The following TTC21B variants were observed in gnomAD, a reference collection of about 807,000 sequenced individuals.
TTC21B encodes the protein tetratricopeptide repeat protein 21B.
In TTC21B, 127 loss-of-function variants were observed where a neutral mutation model predicts 175.1. That is an observed-to-expected ratio of 0.73 (90% CI 0.63 to 0.84). The LOEUF is 0.84. TTC21B is among the 40% of genes least tolerant of loss of function. TTC21B has a pLI of 0.00. For missense variants in TTC21B, 1,561 were observed against 1,558.3 expected, an observed-to-expected ratio of 1.00 and a Z score of -0.03; for synonymous variants, 524 against 524.5, an observed-to-expected ratio of 1.00 and a Z score of 0.01.
intron 27 of TTC21B, among the ~76,000 whole-genome samples, chr2:165,878,842 C>T (rs186076661): frequency 0.013 from 1,946 of 151,966 alleles, 22 homozygotes; most frequent in Non-Finnish European, 0.018. Flanking sequence ...CCACCATGCC[C>T]GGCTAATTTT....
At position 165,883,781 on chromosome 2, in the gene TTC21B, T is replaced by G. The variant is rs369153870; in HGVS notation, c.3684+13A>C. The G allele has an allele frequency of 6.2e-7, 1 of 1,602,506 alleles. No homozygotes were observed. Among genetic ancestry groups the G allele is most frequent in the African/African-American group, 1.3e-5 (1 of 74,716 alleles). On this transcript the variant is annotated intron_variant, in intron 26 of 28. Coordinates refer to ENST00000243344, the MANE Select transcript of TTC21B (RefSeq NM_024753.5). The stretch of plus-strand genomic sequence containing the variant: ...AAAGGTCAATAATTATTTTTTACTC[T>G]TCAATCACCTACTCTATTATGACGC...
chr2:165,888,462 C>T lies in TTC21B; in HGVS notation c.3276G>A (p.Glu1092=). 3 of 1,612,752 alleles carry T rather than the reference C, an allele frequency of 1.9e-6. No individual in the cohort carries two copies. The highest frequency in any genetic ancestry group is 2.5e-6 in the Non-Finnish European group (3 of 1,179,054). Residue 1092 remains glutamate, a synonymous_variant, in exon 25 of 29, where the codon GAG becomes GAA. Transcript: ENST00000243344. ...NLDGDLGNST[E]KQESVQLAVR... ...CTGCCAGTTGCACAGATTCTTGCTT[C>T]TCAGTTGAATTACTGTATATAATTA...
intron 19 of TTC21B, among the ~76,000 whole-genome samples, chr2:165,906,720 G>C (rs900162397): frequency 6.6e-6 from 1 of 151,958 alleles, no homozygotes; most frequent in Non-Finnish European, 1.5e-5. Context: ...CGTGGCAGGG[G>C]GAATCACCTG....
At chr2:165,945,477 A>G (rs371664549) in intron 4 of TTC21B, 47 bp downstream of exon 4, 44 of 1,545,774 alleles carry the variant, frequency 2.8e-5, no homozygotes, top group Non-Finnish European at 3.9e-5. Context: ...TATCAATAAC[A>G]TAAGCATTTT....
chr2:165,898,874 G>A (rs1362718081), intron 21 of TTC21B, 107 bp from the exon 22 acceptor site: 4 of 739,418 alleles, frequency 5.4e-6, no homozygotes, highest in Admixed American at 2.0e-5. Flanking sequence ...AACATGAGGA[G>A]GGGGCAGCAT....
intron 28 of TTC21B, among the ~76,000 whole-genome samples, chr2:165,875,540 G>C (rs1466905352): frequency 2.6e-5 from 4 of 152,064 alleles, no homozygotes; most frequent in Non-Finnish European, 5.9e-5. Context: ...TATATAAAGA[G>C]ACTCTACAAA....
chr2:165,923,417 A>G (rs1055770730), intron 12 of TTC21B, among the ~76,000 whole-genome samples: 10 of 151,536 alleles, frequency 6.6e-5, no homozygotes, highest in Middle Eastern at 3.2e-3. Flanking sequence ...GCAAAGGTAC[A>G]TACAGACAAG....
intron 12 of TTC21B, among the ~76,000 whole-genome samples, chr2:165,920,436 T>A (rs539766679): frequency 1.2e-3 from 176 of 152,298 alleles, no homozygotes; most frequent in African/African-American, 4.0e-3. Flanking sequence ...GCATCAAAGT[T>A]TAGCAATCAA....
chr2:165,936,394 G>T (rs1163735364), intron 6 of TTC21B, among the ~76,000 whole-genome samples: 1 of 152,018 alleles, frequency 6.6e-6, no homozygotes, highest in African/African-American at 2.4e-5. Context: ...GACGGCCTAT[G>T]GTTTGATGAT....
rs986902464 is a variant in TTC21B, at chr2:165,930,233, C to G, written c.1026G>C (p.Glu342Asp). Reference sequence around the variant, plus strand: ...TGGCGGTCTTATACCACTTCAGTGCCTCTTTAACTCTTCCTTGTAAAATCA... The same window carrying G: ...TGGCGGTCTTATACCACTTCAGTGCGTCTTTAACTCTTCCTTGTAAAATCA... Reference protein sequence around the residue: ...YQMILQGRVKEALKWYKTAMT... With the variant: ...YQMILQGRVKDALKWYKTAMT... The change falls in exon 9 of 29, where the codon GAG becomes GAC. Residue 342 changes from glutamate to aspartate, a missense_variant. Transcript: ENST00000243344. 1 of 1,613,176 alleles carries G rather than the reference C, an allele frequency of 6.2e-7. No individual in the cohort carries two copies. The highest frequency in any genetic ancestry group is 8.5e-7 in the Non-Finnish European group (1 of 1,179,488).
At chr2:165,876,287 T>G in intron 27 of TTC21B, 55 bp from the exon 28 acceptor site, 1 of 1,100,854 alleles carries the variant, frequency 9.1e-7, no homozygotes, top group East Asian at 2.4e-5. Flanking sequence ...TACTATTACT[T>G]TTCCTTGCCT....
intron 22 of TTC21B, among the ~76,000 whole-genome samples, chr2:165,896,124 T>TAACCA (rs11270757): frequency 0.95 from 143,802 of 152,136 alleles, 68,502 homozygotes; most frequent in East Asian, 1. Context: ...TCTGAGGCTC[T>TAACCA]GAGCACAGAT....
Position 165,931,772 on chromosome 2 carries a change from C to T in TTC21B, c.880G>A (p.Ala294Thr), listed in dbSNP as rs141240501. 11 of 1,612,914 alleles carry T rather than the reference C, an allele frequency of 6.8e-6. No homozygotes were observed. Among genetic ancestry groups the T allele is most frequent in the East Asian group, 2.2e-5 (1 of 44,876 alleles). ...NAQLFYNITL[A>T]FSRTCGRSQL... is the part of the protein sequence containing the mutation. ...GGCACTCTCACAGTTCTGCTGAAGG[C>T]GAGTGTAATGTTATAGAAAAGTTGA... Residue 294 changes from alanine (A) to threonine (T), a missense_variant, in exon 8 of 29, where the codon GCC (alanine) becomes ACC (threonine). Ala to Thr is a moderately conservative substitution (Grantham distance 58). Coordinates refer to ENST00000243344, the MANE Select transcript of TTC21B (RefSeq NM_024753.5).
chr2:165,905,574 ATAACT>A (rs1180488823), intron 19 of TTC21B, among the ~76,000 whole-genome samples: 1 of 152,222 alleles, frequency 6.6e-6, no homozygotes, highest in Non-Finnish European at 1.5e-5. Context: ...ATTATTTTAA[ATAACT>A]TAATTCACCA....
intron 20 of TTC21B, among the ~76,000 whole-genome samples, chr2:165,900,807 A>G (rs1297682664): frequency 6.6e-6 from 1 of 152,098 alleles, no homozygotes; most frequent in Non-Finnish European, 1.5e-5. Context: ...AATTATTTTG[A>G]TAATTAAAAA....
intron 26 of TTC21B, among the ~76,000 whole-genome samples, chr2:165,881,903 G>A (rs1184294002): frequency 1.3e-5 from 2 of 151,820 alleles, no homozygotes; most frequent in Non-Finnish European, 2.9e-5. Flanking sequence ...TCACTTTAAT[G>A]GAAGAAATCT....
intron 18 of TTC21B, among the ~76,000 whole-genome samples, chr2:165,908,582 C>T (rs1366873046): frequency 6.6e-6 from 1 of 152,050 alleles, no homozygotes; most frequent in Non-Finnish European, 1.5e-5. Flanking sequence ...CTAGGTAGTC[C>T]TGGACACATC....
chr2:165,890,813 A>C (rs1333345552), intron 23 of TTC21B, 25 bp downstream of exon 23: 1 of 1,607,292 alleles, frequency 6.2e-7, no homozygotes, highest in Non-Finnish European at 8.5e-7. Context: ...AAAATCATGT[A>C]GCATTTATTT....
intron 1 of TTC21B, among the ~76,000 whole-genome samples, chr2:165,952,579 T>A (rs1028866672): frequency 6.6e-6 from 1 of 152,208 alleles, no homozygotes; most frequent in African/African-American, 2.4e-5. Flanking sequence ...GGCCCATTTT[T>A]ACATTTTACA....
Sources: allele counts gnomAD v4.1 joint callset (sites outside exome capture counted in the v4.1 genomes callset), GRCh38; gene constraint gnomAD v4.1.1; transcripts MANE v1.5; gene names NCBI Gene and HGNC (gene_info 2026-07-23, HGNC 2026-07-21).